The following GALNTL6 variants were observed in gnomAD, a reference collection of about 807,000 sequenced individuals.
GALNTL6 encodes the protein polypeptide N-acetylgalactosaminyltransferase-like 6.
Under a neutral mutation model 73.7 loss-of-function variants are expected in GALNTL6, and 46 were observed. The ratio of observed to expected loss-of-function variants is 0.62; its 90% CI spans 0.49 to 0.80. The LOEUF is 0.80. Ranked by LOEUF, GALNTL6 falls within the 30% of genes least tolerant of loss-of-function variation. The pLI is 0.00. For missense variants in GALNTL6, 604 were observed against 755.0 expected (o/e 0.80, Z 2.34); for synonymous variants, 259 against 263.7 (o/e 0.98, Z 0.17).
At chr4:173,002,489 G>A (rs543114728) in intron 10 of GALNTL6, among the ~76,000 whole-genome samples, 25 of 151,422 alleles carry the variant, frequency 1.7e-4, no homozygotes, top group Non-Finnish European at 2.7e-4. Context: ...TTATATATGT[G>A]TTTATTCATA....
Position 172,636,907 on chromosome 4 carries a change from AT to A in GALNTL6, c.554-172446del, listed in dbSNP as rs535225450. 2.6e-5 allele frequency among the ~76,000 whole-genome samples: 4 copies of A among 152,052 alleles called. No individual in the cohort carries two copies. In the East Asian group the frequency reaches 7.7e-4, roughly 29 times the overall value. On this transcript the variant is annotated intron_variant, in intron 5 of 12. Coordinates refer to ENST00000506823, the MANE Select transcript of GALNTL6 (RefSeq NM_001034845.3). ...TCCTAATAGTGGCTTTAATAGTTTG[AT>A]TTTTTTTCAACTCTGCTACACTTTA...
At chr4:172,633,510 T>C (rs1270477335) in intron 5 of GALNTL6, among the ~76,000 whole-genome samples, 1 of 152,192 alleles carries the variant, frequency 6.6e-6, no homozygotes, top group Non-Finnish European at 1.5e-5. Flanking sequence ...CCCCATTGTA[T>C]CTAGGAAGTA....
chr4:172,786,356 AT>A (rs1248309162), intron 5 of GALNTL6, among the ~76,000 whole-genome samples: 1 of 152,206 alleles, frequency 6.6e-6, no homozygotes, highest in African/African-American at 2.4e-5. Flanking sequence ...TATAATTATC[AT>A]GACTCACTTT....
chr4:172,659,100 T>A (rs1290907036), intron 5 of GALNTL6, among the ~76,000 whole-genome samples: 1 of 152,228 alleles, frequency 6.6e-6, no homozygotes, highest in Non-Finnish European at 1.5e-5. Flanking sequence ...AGGTAGATAC[T>A]ATGATTTGTT....
intron 2 of GALNTL6, among the ~76,000 whole-genome samples, chr4:171,985,370 T>A (rs1042485670): frequency 6.6e-6 from 1 of 152,112 alleles, no homozygotes; most frequent in African/African-American, 2.4e-5. Context: ...CTCAGCACCA[T>A]GAGTACACTA....
intron 5 of GALNTL6, among the ~76,000 whole-genome samples, chr4:172,355,314 T>TG (rs1456872972): frequency 3.3e-5 from 5 of 152,136 alleles, no homozygotes; most frequent in Non-Finnish European, 7.4e-5. Context: ...TGTAGCTAGC[T>TG]TTAACAAAAA....
rs1239723524 is a variant in GALNTL6 at position 172,207,410 on chromosome 4, T to C, written c.139-22246T>C. Among the ~76,000 whole-genome samples, 17 of 152,068 alleles carry C rather than the reference T, an allele frequency of 1.1e-4. 1 individual carries two copies. The South Asian group carries it at 1.9e-3, about 17-fold the overall frequency. On this transcript the variant is annotated intron_variant, in intron 2 of 12. Transcript: ENST00000506823. ...GACAGTAAAGGAGCAAGAGGGATGGTGGTGCTCTTTCCTGAGAGAAGAAGA... is the reference window on the plus strand; with the variant it reads ...GACAGTAAAGGAGCAAGAGGGATGGCGGTGCTCTTTCCTGAGAGAAGAAGA...
At position 172,947,454 on chromosome 4, in the gene GALNTL6, T is replaced by C. The variant is rs764483477; in HGVS notation, c.1150-4583T>C. Among the ~76,000 whole-genome samples, 11 of 152,226 alleles carry C rather than the reference T, an allele frequency of 7.2e-5. No individual in the cohort carries two copies. The South Asian group carries it at 8.3e-4, about 11-fold the overall frequency. On this transcript the variant is annotated intron_variant, in intron 9 of 12. Transcript: ENST00000506823. ...ATTTAAACCTCAAAAAAACAAGAAC[T>C]CCAGCTAACACCTGGCTCTGTATAT...
chr4:172,015,495 C>T (rs1264436745), intron 2 of GALNTL6, among the ~76,000 whole-genome samples: 4 of 151,964 alleles, frequency 2.6e-5, no homozygotes, highest in Non-Finnish European at 4.4e-5. Context: ...GATTTTTATC[C>T]ATTCTGCCAT....
chr4:172,083,907 G>C (rs2110926536), intron 2 of GALNTL6, among the ~76,000 whole-genome samples: 1 of 152,256 alleles, frequency 6.6e-6, no homozygotes, highest in Non-Finnish European at 1.5e-5. Flanking sequence ...TGTGGGAATA[G>C]ATATACTCTC....
intron 3 of GALNTL6, among the ~76,000 whole-genome samples, chr4:172,268,660 ACC>A (rs1738533878): frequency 6.6e-6 from 1 of 152,140 alleles, no homozygotes; most frequent in Non-Finnish European, 1.5e-5. Flanking sequence ...AAGCCCTAAC[ACC>A]CAGTGTGAAG....
intron 2 of GALNTL6, among the ~76,000 whole-genome samples, chr4:172,106,683 T>C (rs1732683074): frequency 6.6e-6 from 1 of 152,118 alleles, no homozygotes; most frequent in Non-Finnish European, 1.5e-5. Flanking sequence ...TAAGATTCTG[T>C]GAAGTATTGG....
chr4:172,477,071 G>A (rs1184520062), intron 5 of GALNTL6, among the ~76,000 whole-genome samples: 6 of 151,366 alleles, frequency 4.0e-5, no homozygotes, highest in African/African-American at 1.2e-4. Flanking sequence ...ACAGGCGCCC[G>A]CCACCACGCC....
At chr4:172,842,979 G>T (rs1743297600) in intron 7 of GALNTL6, among the ~76,000 whole-genome samples, 1 of 152,096 alleles carries the variant, frequency 6.6e-6, no homozygotes, top group Admixed American at 6.5e-5. Context: ...CTTGATGGGG[G>T]AAATGCACTC....
chr4:172,244,690 A>G (rs1442829545), intron 3 of GALNTL6, among the ~76,000 whole-genome samples: 2 of 152,162 alleles, frequency 1.3e-5, no homozygotes, highest in Non-Finnish European at 2.9e-5. Flanking sequence ...AACTTGAAGC[A>G]ACTAGCATAT....
intron 7 of GALNTL6, among the ~76,000 whole-genome samples, chr4:172,830,288 C>A (rs902103817): frequency 3.9e-5 from 6 of 152,002 alleles, no homozygotes; most frequent in African/African-American, 1.2e-4. Context: ...AAAAAGATGA[C>A]CAATAGAGCA....
intron 5 of GALNTL6, among the ~76,000 whole-genome samples, chr4:172,404,027 T>C (rs1362371681): frequency 1.3e-5 from 2 of 151,972 alleles, no homozygotes; most frequent in African/African-American, 4.8e-5. Context: ...ACAAATTTAT[T>C]GCCTGCACAG....
intron 2 of GALNTL6, among the ~76,000 whole-genome samples, chr4:172,066,533 GACT>G (rs1410051066): frequency 8.8e-6 from 1 of 113,528 alleles, no homozygotes; most frequent in Non-Finnish European, 1.8e-5. Context: ...GTCTGACCTG[GACT>G]TTTTTTTTTT....
At chr4:172,609,425 T>C (rs1033609934) in intron 5 of GALNTL6, among the ~76,000 whole-genome samples, 2 of 152,168 alleles carry the variant, frequency 1.3e-5, no homozygotes, top group Non-Finnish European at 2.9e-5. Flanking sequence ...TTTAGTTTTG[T>C]TTATGAGATG....
Sources: allele counts gnomAD v4.1 joint callset (sites outside exome capture counted in the v4.1 genomes callset), GRCh38; gene constraint gnomAD v4.1.1; transcripts MANE v1.5; gene names NCBI Gene and HGNC (gene_info 2026-07-23, HGNC 2026-07-21).